Variants in ZFHX4 observed in about 807,000 individuals in gnomAD.
ZFHX4 encodes the protein zinc finger homeobox 4, also known as zinc finger homeobox protein 4.
ZFHX4 carries 56 observed loss-of-function variants against 267.6 expected under a neutral mutation model. That is an observed-to-expected ratio of 0.21 (90% confidence interval 0.17 to 0.26). The LOEUF is 0.26. Ranked by LOEUF, ZFHX4 falls within the 10% of genes least tolerant of loss-of-function variation. ZFHX4 has a pLI of 1.00. For synonymous variants in ZFHX4, 1,778 were observed against 1,665.6 expected, an observed-to-expected ratio of 1.07 and a Z score of -1.64; for missense variants, 4,332 against 4,420.0, an observed-to-expected ratio of 0.98 and a Z score of 0.56.
In ZFHX4 at chr8:76,864,048, G is replaced by C; in HGVS notation, c.10334G>C (p.Ser3445Thr). 6.2e-7 allele frequency: 1 copy of C among 1,613,872 alleles called. No individual in the cohort carries two copies. The highest frequency in any genetic ancestry group is 8.5e-7 in the Non-Finnish European group (1 of 1,179,860). Residue 3445 changes from serine (S) to threonine (T), a missense_variant, in exon 11 of 11, where the codon AGC (serine) becomes ACC (threonine). By Grantham distance (58) the Ser-to-Thr change is moderately conservative. Transcript: ENST00000651372. ...PQETVLRVPV[S>T]KYQCLACDVA... ...GAGACAGTGCTTCGTGTCCCAGTCAGCAAATATCAGTGTCTTGCCTGTGAT... is the reference window on the plus strand; with the variant it reads ...GAGACAGTGCTTCGTGTCCCAGTCACCAAATATCAGTGTCTTGCCTGTGAT...
In ZFHX4 at chr8:76,681,364, C is replaced by G. The variant is rs970479874; in HGVS notation, c.-303C>G. The G allele has an allele frequency of 2.5e-6, 1 of 398,774 alleles. No homozygotes were observed. The highest frequency in any genetic ancestry group is 4.4e-6 in the Non-Finnish European group (1 of 226,072). 24.7% of individuals were successfully genotyped at this position (398,774 alleles called of 1,614,324 possible). A position where few individuals can be genotyped will look rare whatever the true frequency, so the allele number is the denominator to read the frequency against. ...CATTTCCTTTCCTCCTTTTCCCAAC[C>G]CCTTCACAACCAAACAGCGAGACCG... On this transcript the variant is annotated 5_prime_UTR_variant, in exon 1 of 11. Transcript: ENST00000651372.
chr8:76,816,614 A>C (rs1399378986), intron 4 of ZFHX4, among the ~76,000 whole-genome samples: 1 of 87,958 alleles, frequency 1.1e-5, no homozygotes, highest in Non-Finnish European at 2.1e-5. Context: ...TTTTTTTTTG[A>C]GACAGAGTCT....
chr8:76,723,500 G>A (rs1376545845), intron 3 of ZFHX4, among the ~76,000 whole-genome samples: 2 of 151,548 alleles, frequency 1.3e-5, no homozygotes, highest in South Asian at 2.1e-4. Context: ...TTATAAACAG[G>A]AAGCAGAGTA....
In ZFHX4 at chr8:76,725,371, C is replaced by T. The variant is rs764588514; in HGVS notation, c.3093+17323C>T. Among the ~76,000 whole-genome samples the T allele has an allele frequency of 3.3e-5, 5 of 151,992 alleles. No homozygotes were observed. In the East Asian group the frequency reaches 5.8e-4, roughly 18 times the overall value. On this transcript the variant is annotated intron_variant, in intron 3 of 10. Transcript: ENST00000651372. Reference sequence around the variant, plus strand: ...TGCAGATCAACTTGAAATAGTCTAGCGGTTCTGTACTGGCCACAAGAGCTA... The same window carrying T: ...TGCAGATCAACTTGAAATAGTCTAGTGGTTCTGTACTGGCCACAAGAGCTA...
intron 3 of ZFHX4, among the ~76,000 whole-genome samples, chr8:76,712,897 T>C (rs577204813): frequency 3.9e-5 from 6 of 152,312 alleles, no homozygotes; most frequent in South Asian, 2.1e-4. Context: ...TGTATTCTTA[T>C]ATAAATAGAC....
intron 4 of ZFHX4, among the ~76,000 whole-genome samples, chr8:76,781,456 C>A (rs1005373972): frequency 3.3e-5 from 5 of 151,962 alleles, no homozygotes; most frequent in Non-Finnish European, 7.4e-5. Context: ...AACGACAAAA[C>A]AACCAATCAT....
rs150394153 is a variant in ZFHX4, at chr8:76,755,131, A to G, written c.3094-23077A>G. Among the ~76,000 whole-genome samples, 345 of 152,294 alleles carry G rather than the reference A, an allele frequency of 2.3e-3. 1 individual carries two copies. Among genetic ancestry groups the G allele is most frequent in the African/African-American group, 7.9e-3 (330 of 41,580 alleles). ...ATTTAACTAATAGGTCAAACTTTAT[A>G]TTCTTTAATGAATTGTATGTTCACA... On this transcript the variant is annotated intron_variant, in intron 3 of 10. Transcript: ENST00000651372.
At chr8:76,756,025 C>G (rs1379035744) in intron 3 of ZFHX4, among the ~76,000 whole-genome samples, 1 of 151,950 alleles carries the variant, frequency 6.6e-6, no homozygotes, top group East Asian at 1.9e-4. Context: ...AGTTAGAACA[C>G]CAGAAGATGT....
rs779394582 is a variant in ZFHX4, at chr8:76,853,068, T to A, written c.6147T>A (p.Pro2049=). Residue 2049 remains proline, a synonymous_variant, in exon 10 of 11, where the codon CCT becomes CCA. Coordinates refer to ENST00000651372, the MANE Select transcript of ZFHX4 (RefSeq NM_024721.5). The part of the protein sequence containing the change: ...PPTPPPPPPP[P]PPPPPPPPPP... ...CTCCTCCCCCACCACCACCACCTCC[T>A]CCTCCTCCTCCTCCTCCCCCCCCAC... is the stretch of plus-strand genomic sequence containing the variant. 704 of 438,934 alleles carry A rather than the reference T, an allele frequency of 1.6e-3. 6 individuals carry two copies. In the African/African-American group the frequency reaches 0.025, roughly 16 times the overall value. 27.2% of individuals were successfully genotyped at this position (438,934 alleles called of 1,614,324 possible).
At chr8:76,769,659 T>C (rs1374419115) in intron 3 of ZFHX4, among the ~76,000 whole-genome samples, 1 of 152,192 alleles carries the variant, frequency 6.6e-6, no homozygotes, top group Non-Finnish European at 1.5e-5. Context: ...GCCTAGAATT[T>C]GATAAGTTTT....
At chr8:76,779,230 A>AAATCATTATT (rs1810483680) in intron 4 of ZFHX4, among the ~76,000 whole-genome samples, 1 of 152,218 alleles carries the variant, frequency 6.6e-6, no homozygotes, top group Non-Finnish European at 1.5e-5. Context: ...CTATTTAGAT[A>AAATCATTATT]AATCATTATT....
intron 4 of ZFHX4, among the ~76,000 whole-genome samples, chr8:76,828,449 A>G (rs1289509623): frequency 2.0e-5 from 3 of 152,180 alleles, no homozygotes; most frequent in Non-Finnish European, 4.4e-5. Context: ...CTGAGCTTTG[A>G]TATCTCATCT....
At chr8:76,689,735 G>C (rs2131581552) in intron 1 of ZFHX4, among the ~76,000 whole-genome samples, 1 of 152,186 alleles carries the variant, frequency 6.6e-6, no homozygotes, top group South Asian at 2.1e-4. Flanking sequence ...TCCAAGAATG[G>C]CTGCTCTCTA....
chr8:76,866,021 T>C lies in ZFHX4; in HGVS notation c.*1456T>C, dbSNP rs952607433. 4 of 152,660 alleles carry C rather than the reference T, an allele frequency of 2.6e-5. No homozygotes were observed. The highest frequency in any genetic ancestry group is 9.6e-5 in the African/African-American group (4 of 41,456). 9.5% of individuals were successfully genotyped at this position (152,660 alleles called of 1,614,324 possible). ...TTATAAATTGCTATGCTTTGCTGTTTTTCTGTTGCTGTGGAACTTAAAGAA... is the reference window on the plus strand; with the variant it reads ...TTATAAATTGCTATGCTTTGCTGTTCTTCTGTTGCTGTGGAACTTAAAGAA... On this transcript the variant is annotated 3_prime_UTR_variant, in exon 11 of 11. Coordinates refer to ENST00000651372, the MANE Select transcript of ZFHX4 (RefSeq NM_024721.5).
chr8:76,773,831 A>T (rs1425827217), intron 3 of ZFHX4, among the ~76,000 whole-genome samples: 2 of 152,260 alleles, frequency 1.3e-5, no homozygotes, highest in African/African-American at 4.8e-5. Flanking sequence ...ACTTTTATTG[A>T]GGACCAGAGT....
chr8:76,793,961 ATCT>A (rs983092730), intron 4 of ZFHX4, among the ~76,000 whole-genome samples: 3 of 152,274 alleles, frequency 2.0e-5, no homozygotes, highest in East Asian at 3.9e-4. Context: ...CTTAAAATTG[ATCT>A]TCTTCTATAG....
intron 4 of ZFHX4, among the ~76,000 whole-genome samples, chr8:76,804,882 A>G (rs990604211): frequency 1.3e-5 from 2 of 152,098 alleles, no homozygotes; most frequent in African/African-American, 2.4e-5. Flanking sequence ...AGATCGAAGC[A>G]CAGCTCAATA....
At position 76,855,699 on chromosome 8, in the gene ZFHX4, G is replaced by C; in HGVS notation, c.8778G>C (p.Arg2926=). The C allele has an allele frequency of 6.2e-7, 1 of 1,613,832 alleles. No individual in the cohort carries two copies. The highest frequency in any genetic ancestry group is 8.5e-7 in the Non-Finnish European group (1 of 1,179,840). Residue 2926 remains arginine, a synonymous_variant, in exon 10 of 11, where the codon CGG becomes CGC. Transcript: ENST00000651372. The part of the protein sequence containing the change: ...SNPFKSKSND[R]PGHKRFRTQM... The stretch of plus-strand genomic sequence containing the variant: ...CCTTTAAATCCAAAAGTAATGATCG[G>C]CCGGGTCACAAGCGTTTTCGAACGC...
chr8:76,757,593 T>G (rs908019351), intron 3 of ZFHX4, among the ~76,000 whole-genome samples: 2 of 152,188 alleles, frequency 1.3e-5, no homozygotes, highest in African/African-American at 4.8e-5. Flanking sequence ...CATTCTACTC[T>G]CATGGTCTCC....
Sources: allele counts gnomAD v4.1 joint callset (sites outside exome capture counted in the v4.1 genomes callset), GRCh38; gene constraint gnomAD v4.1.1; transcripts MANE v1.5; gene names NCBI Gene and HGNC (gene_info 2026-07-23, HGNC 2026-07-21).